ZNF442: variants seen among roughly 807,000 people sequenced by gnomAD.
The protein encoded by ZNF442 is zinc finger protein 442.
In ZNF442, 45 loss-of-function variants were observed where a neutral mutation model predicts 57.0. The observed-to-expected ratio is 0.79, with a 90% CI of 0.62 to 1.01. ZNF442 has a LOEUF of 1.01. Ranked by LOEUF, ZNF442 falls within the 50% of genes least tolerant of loss-of-function variation. The pLI, the probability that ZNF442 is intolerant of heterozygous loss-of-function variation, is 0.00. For missense variants in ZNF442, 690 were observed against 756.5 expected, an observed-to-expected ratio of 0.91 and a Z score of 1.03; for synonymous variants, 213 against 241.8, an observed-to-expected ratio of 0.88 and a Z score of 1.10.
chr19:12,368,138 TTATTC>T (rs1284592421), upstream of ZNF442, among the ~76,000 whole-genome samples: 1 of 152,170 alleles, frequency 6.6e-6, no homozygotes, highest in Non-Finnish European at 1.5e-5. Context: ...AAAATCGCTG[TTATTC>T]TATTCTTTTT....
At position 12,351,115 on chromosome 19, in the gene ZNF442, T is replaced by A. The variant is rs764815715; in HGVS notation, c.470A>T (p.Gln157Leu). The A allele has an allele frequency of 6.2e-7, 1 of 1,614,164 alleles. No homozygotes were observed. Among genetic ancestry groups the A allele is most frequent in the Admixed American group, 1.7e-5 (1 of 60,016 alleles). Residue 157 changes from glutamine to leucine, a missense_variant, in exon 6 of 6, where the codon CAA (glutamine) becomes CTA (leucine). Transcript: ENST00000242804. ...EYGEKPHTHK[Q>L]CGTAFNYHHS... ...GTGATAATTGAAGGCTGTCCCACAT[T>A]GTTTATGTGTATGTGGCTTCTCTCC...
At position 12,350,761 on chromosome 19, in the gene ZNF442, G is replaced by C. The variant is rs769313262; in HGVS notation, c.824C>G (p.Pro275Arg). 1 of 1,613,856 alleles carries C rather than the reference G, an allele frequency of 6.2e-7. No individual in the cohort carries two copies. The highest frequency in any genetic ancestry group is 8.5e-7 in the Non-Finnish European group (1 of 1,179,968). ...YECKHCSKAF[P>R]DYSSYVRHER... ...ATGTCTTACATAGGAACTGTAATCA[G>C]GGAAGGCTTTGGAACAGTGCTTGCA... The change falls in exon 6 of 6, where the codon CCT becomes CGT. Residue 275 changes from proline (P) to arginine (R), a missense_variant. Transcript: ENST00000242804.
At chr19:12,351,443 GTGAA>G (rs1413294645) in intron 5 of ZNF442, 125 bp from the exon 6 acceptor site, 19 of 811,028 alleles carry the variant, frequency 2.3e-5, no homozygotes, top group Non-Finnish European at 2.8e-5. Context: ...CTGCTTGAAC[GTGAA>G]TGGACTGAAT....
rs765863019 is a variant in ZNF442 at position 12,350,148 on chromosome 19, T to C, written c.1437A>G (p.Glu479=). Residue 479 remains glutamate (E), a synonymous_variant, in exon 6 of 6, where the codon GAA becomes GAG. Transcript: ENST00000242804. ...FIDFYSFQNH[E]TTHTGEKPYE... is the part of the protein sequence containing the mutation. ...ATGGCTTCTCTCCAGTGTGAGTTGT[T>C]TCATGATTTTGAAAGGAATAGAAAT... 6.2e-6 allele frequency: 10 copies of C among 1,614,078 alleles called. No homozygotes were observed. In the East Asian group the frequency reaches 1.6e-4, roughly 25 times the overall value.
Position 12,352,053 on chromosome 19 carries a change from T to G in ZNF442, c.223A>C (p.Thr75Pro). The G allele has an allele frequency of 6.2e-7, 1 of 1,613,860 alleles. No homozygotes were observed. The highest frequency in any genetic ancestry group is 8.5e-7 in the Non-Finnish European group (1 of 1,179,884). Reference protein sequence around the residue: ...LDCIGMKWEDTNIEDQHRNPR... With the variant: ...LDCIGMKWEDPNIEDQHRNPR... ...TTTCTGTGCTGATCTTCAATGTTTG[T>G]GTCTTCCCATTTCATTCCTAAAAGG... The change falls in exon 5 of 6, where the codon ACA (threonine) becomes CCA (proline). Residue 75 changes from threonine to proline, a missense_variant. Physicochemically the swap from Thr to Pro is conservative, Grantham distance 38 (BLOSUM62 -1). Transcript: ENST00000242804.
At chr19:12,368,719 T>G (rs1969557772), upstream of ZNF442, among the ~76,000 whole-genome samples, 5 of 152,222 alleles carry the variant, frequency 3.3e-5, no homozygotes, top group South Asian at 1.0e-3. Flanking sequence ...GTGGAATTGC[T>G]TTCTGCTCTT....
upstream of ZNF442, among the ~76,000 whole-genome samples, chr19:12,367,751 T>C (rs138114398): frequency 0.048 from 7,259 of 152,108 alleles, 586 homozygotes; most frequent in African/African-American, 0.17. Context: ...TCACTGCAAC[T>C]TCTGCCTCCT....
At chr19:12,360,460 T>C (rs1969405451) in intron 3 of ZNF442, among the ~76,000 whole-genome samples, 1 of 152,262 alleles carries the variant, frequency 6.6e-6, no homozygotes, top group Non-Finnish European at 1.5e-5. Context: ...GGCTCCAGAC[T>C]GGCCTCAACT....
At chr19:12,368,279 AG>A (rs1969554162), upstream of ZNF442, among the ~76,000 whole-genome samples, 1 of 152,242 alleles carries the variant, frequency 6.6e-6, no homozygotes, top group Admixed American at 6.5e-5. Context: ...CAGGATTAAG[AG>A]ATTAAAGTAA....
At chr19:12,370,999 A>C in the ZNF442 span, among the ~76,000 whole-genome samples, 1 of 151,958 alleles carries the variant, frequency 6.6e-6, no homozygotes, top group Non-Finnish European at 1.5e-5. Flanking sequence ...AAAGAAAAGA[A>C]AGAAAAGAAA....
At position 12,358,808 on chromosome 19, in the gene ZNF442, T is replaced by C. The variant is rs181897579; in HGVS notation, c.78+4746A>G. Among the ~76,000 whole-genome samples, 13 of 152,262 alleles carry C rather than the reference T, an allele frequency of 8.5e-5. 1 individual carries two copies. The highest frequency in any genetic ancestry group is 7.2e-4 in the Admixed American group (11 of 15,302). ...AAAACTGGTATCCACCCCACATTAG[T>C]ACAGACCCCACAAGTTGAGGGTTGA... On this transcript the variant is annotated intron_variant, in intron 3 of 5. Coordinates refer to ENST00000242804, the MANE Select transcript of ZNF442 (RefSeq NM_030824.3).
upstream of ZNF442, among the ~76,000 whole-genome samples, chr19:12,368,872 C>T (rs1969559099): frequency 2.6e-5 from 4 of 152,110 alleles, no homozygotes; most frequent in Admixed American, 2.6e-4. Context: ...GGGGCAGAGG[C>T]ACTGAAGGAT....
Position 12,350,269 on chromosome 19 carries a change from C to T in ZNF442, c.1316G>A (p.Gly439Asp). 3 of 1,613,612 alleles carry T rather than the reference C, an allele frequency of 1.9e-6. No homozygotes were observed. Among genetic ancestry groups the T allele is most frequent in the South Asian group, 2.2e-5 (2 of 91,064 alleles). Reference sequence around the variant, plus strand: ...GGAACTAGAAATACGGAAGGCTTTACCACATTCTTTACATTCATAGGGTTT... The same window carrying T: ...GGAACTAGAAATACGGAAGGCTTTATCACATTCTTTACATTCATAGGGTTT... The part of the protein sequence containing the change: ...GEKPYECKEC[G>D]KAFRISSSLR... Residue 439 changes from glycine (G) to aspartate (D), a missense_variant, in exon 6 of 6, where the codon GGT becomes GAT. Coordinates refer to ENST00000242804, the MANE Select transcript of ZNF442 (RefSeq NM_030824.3).
At chr19:12,351,522 T>C (rs1379931571) in intron 5 of ZNF442, among the ~76,000 whole-genome samples, 1 of 152,162 alleles carries the variant, frequency 6.6e-6, no homozygotes, top group African/African-American at 2.4e-5. Flanking sequence ...AATTCTTTTT[T>C]TTGAGATGGA....
intron 3 of ZNF442, among the ~76,000 whole-genome samples, chr19:12,362,500 G>A (rs149262422): frequency 6.6e-6 from 1 of 151,770 alleles, no homozygotes; most frequent in Non-Finnish European, 1.5e-5. Flanking sequence ...CCCCGTCTGG[G>A]AAGTGAGGAA....
At chr19:12,362,134 G>A (rs1969440435) in intron 3 of ZNF442, among the ~76,000 whole-genome samples, 1 of 152,222 alleles carries the variant, frequency 6.6e-6, no homozygotes. Context: ...CCTCTGCCTG[G>A]CTGCCACCCC....
chr19:12,349,540 G>C lies in ZNF442; in HGVS notation c.*161C>G, dbSNP rs984646701. 2 of 651,614 alleles carry C rather than the reference G, an allele frequency of 3.1e-6. No homozygotes were observed. Among genetic ancestry groups the C allele is most frequent in the South Asian group, 2.4e-5 (1 of 42,124 alleles). 40.4% of individuals were successfully genotyped at this position (651,614 alleles called of 1,614,324 possible). On this transcript the variant is annotated 3_prime_UTR_variant, in exon 6 of 6. Transcript: ENST00000242804. ...GCATCTGTGGATTTAGGTATGCTTA[G>C]GGGGTCTGGAACCAATCCCCTGCAT...
At chr19:12,372,824 A>G in the ZNF442 span, among the ~76,000 whole-genome samples, 1 of 152,212 alleles carries the variant, frequency 6.6e-6, no homozygotes, top group South Asian at 2.1e-4. Flanking sequence ...CCCAGGATAG[A>G]GTGCAGTGGC....
intron 3 of ZNF442, among the ~76,000 whole-genome samples, chr19:12,356,336 CAAAA>C (rs1351621795): frequency 6.6e-6 from 1 of 151,880 alleles, no homozygotes; most frequent in East Asian, 1.9e-4. Flanking sequence ...TGCTTAAAAA[CAAAA>C]AGAAAGGCCA....
Sources: gnomAD v4.1 joint callset for allele counts (sites outside exome capture counted in the v4.1 genomes callset) on GRCh38, gnomAD v4.1.1 for gene constraint, MANE v1.5 for transcripts, NCBI Gene and HGNC (gene_info 2026-07-23, HGNC 2026-07-21) for gene names.